CCR5AS: variants seen among roughly 807,000 people sequenced by gnomAD.
The protein encoded by CCR5AS is CCR5 antisense RNA.
At chr3:46,395,338 C>T (rs1195366117) in intron 1 of CCR5AS, among the ~76,000 whole-genome samples, 2 of 151,986 alleles carry the variant, frequency 1.3e-5, no homozygotes, top group Admixed American at 1.3e-4. Context: ...GAGTAGAGAT[C>T]GACATCTGGG....
chr3:46,379,408 A>G (rs1255139870), intron 2 of CCR5AS, among the ~76,000 whole-genome samples: 1 of 152,054 alleles, frequency 6.6e-6, no homozygotes, highest in East Asian at 1.9e-4. Context: ...GATTAAGAAA[A>G]TGTGGCACAT....
At chr3:46,373,421 T>C in intron 2 of CCR5AS, 1 of 1,612,550 alleles carries the variant, frequency 6.2e-7, no homozygotes, top group Non-Finnish European at 8.5e-7. Flanking sequence ...AAAAAGAAGG[T>C]CTTCATTACA....
intron 2 of CCR5AS, among the ~76,000 whole-genome samples, chr3:46,377,349 T>A (rs1275479071): frequency 6.6e-6 from 1 of 152,164 alleles, no homozygotes; most frequent in African/African-American, 2.4e-5. Flanking sequence ...TGAACGTACC[T>A]TCTGTCTCCA....
intron 1 of CCR5AS, among the ~76,000 whole-genome samples, chr3:46,406,251 G>A (rs749365535): frequency 5.3e-5 from 8 of 152,110 alleles, no homozygotes; most frequent in Admixed American, 6.5e-5. Flanking sequence ...CATCTTTGGT[G>A]GGAAAAGGAT....
chr3:46,364,657 T>C (rs1051705556), exon 4 of CCR5AS, among the ~76,000 whole-genome samples: 7 of 150,076 alleles, frequency 4.7e-5, no homozygotes, highest in African/African-American at 9.7e-5. Flanking sequence ...TATAGCCTTA[T>C]ATAGTTTATA....
At chr3:46,384,277 T>C (rs1701839570) in intron 2 of CCR5AS, among the ~76,000 whole-genome samples, 1 of 152,230 alleles carries the variant, frequency 6.6e-6, no homozygotes, top group Non-Finnish European at 1.5e-5. Context: ...CCTAATCTTT[T>C]ATTACGCAGA....
chr3:46,405,244 G>T (rs1183747628), intron 1 of CCR5AS, among the ~76,000 whole-genome samples: 6 of 152,208 alleles, frequency 3.9e-5, no homozygotes, highest in Admixed American at 6.5e-5. Context: ...GCTAATATTA[G>T]TAAGCCAGGG....
At chr3:46,385,240 A>AC (rs1248760499) in intron 2 of CCR5AS, among the ~76,000 whole-genome samples, 1 of 152,194 alleles carries the variant, frequency 6.6e-6, no homozygotes, top group Non-Finnish European at 1.5e-5. Flanking sequence ...TTTTTATTCT[A>AC]CAGGCCACAG....
intron 2 of CCR5AS, chr3:46,374,096 A>T: frequency 1.9e-6 from 1 of 530,750 alleles, no homozygotes; most frequent in Non-Finnish European, 3.3e-6. Context: ...TCTAAGATTC[A>T]TCCATTTATT....
intron 3 of CCR5AS, among the ~76,000 whole-genome samples, chr3:46,368,303 G>C (rs547916512): frequency 6.6e-6 from 1 of 152,332 alleles, no homozygotes; most frequent in South Asian, 2.1e-4. Flanking sequence ...AATAAAAAGA[G>C]AACAAGAGCC....
At chr3:46,406,296 G>A (rs986818367) in intron 1 of CCR5AS, among the ~76,000 whole-genome samples, 5 of 152,052 alleles carry the variant, frequency 3.3e-5, no homozygotes, top group African/African-American at 7.2e-5. Context: ...TAAGCAAATA[G>A]GTCTGATCCC....
intron 1 of CCR5AS, among the ~76,000 whole-genome samples, chr3:46,399,557 T>G (rs1317420472): frequency 2.0e-5 from 3 of 152,234 alleles, no homozygotes; most frequent in Non-Finnish European, 4.4e-5. Flanking sequence ...TTAAAAATTC[T>G]GAATAATCTA....
intron 2 of CCR5AS, among the ~76,000 whole-genome samples, chr3:46,387,207 C>A (rs1349046151): frequency 6.6e-6 from 1 of 152,128 alleles, no homozygotes; most frequent in Non-Finnish European, 1.5e-5. Flanking sequence ...ATCCTAGCTT[C>A]CAGAAATCGT....
chr3:46,379,900 A>G (rs1345510903), intron 2 of CCR5AS, among the ~76,000 whole-genome samples: 2 of 36,334 alleles, frequency 5.5e-5, no homozygotes, highest in Non-Finnish European at 1.3e-4. Context: ...CTGTCTCAAA[A>G]TAAATAAATA....
At chr3:46,378,993 G>A (rs957802991) in intron 2 of CCR5AS, among the ~76,000 whole-genome samples, 9 of 147,720 alleles carry the variant, frequency 6.1e-5, no homozygotes, top group Non-Finnish European at 1.0e-4. Context: ...TTTGATGTTG[G>A]TAAATTTCTT....
chr3:46,373,994 A>T, intron 2 of CCR5AS: 1 of 1,485,896 alleles, frequency 6.7e-7, no homozygotes, highest in Non-Finnish European at 9.1e-7. Context: ...ACCCAGTCAG[A>T]GTTGTGCACA....
intron 2 of CCR5AS, among the ~76,000 whole-genome samples, chr3:46,387,300 C>T (rs1701870146): frequency 6.6e-6 from 1 of 152,170 alleles, no homozygotes; most frequent in Non-Finnish European, 1.5e-5. Flanking sequence ...CACAGAACTG[C>T]CCTGGGTCAT....
chr3:46,393,953 A>G (rs180688585), intron 1 of CCR5AS, among the ~76,000 whole-genome samples: 2 of 152,286 alleles, frequency 1.3e-5, no homozygotes, highest in East Asian at 1.9e-4. Flanking sequence ...CCTTCCTAAC[A>G]TGTTCAATCC....
At chr3:46,365,362 T>C (rs949661048) in intron 3 of CCR5AS, among the ~76,000 whole-genome samples, 1 of 152,216 alleles carries the variant, frequency 6.6e-6, no homozygotes, top group East Asian at 1.9e-4. Context: ...TATGACTTGC[T>C]GAAGGCTCAG....
Sources: allele counts gnomAD v4.1 joint callset (sites outside exome capture counted in the v4.1 genomes callset), GRCh38; gene constraint gnomAD v4.1.1; transcripts MANE v1.5; gene names NCBI Gene and HGNC (gene_info 2026-07-23, HGNC 2026-07-21).